The following PRKCZ variants were observed in gnomAD, a reference collection of about 807,000 sequenced individuals.
PRKCZ encodes protein kinase C zeta.
PRKCZ carries 33 observed loss-of-function variants against 79.5 expected under a neutral mutation model. The observed-to-expected ratio is 0.41, with a 90% confidence interval of 0.31 to 0.55. PRKCZ has a LOEUF of 0.55. Ranked by LOEUF, PRKCZ falls within the 20% of genes least tolerant of loss-of-function variation. The pLI, the probability that PRKCZ is intolerant of heterozygous loss-of-function variation, is 0.19. For synonymous variants in PRKCZ, 342 were observed against 320.9 expected (o/e 1.07, Z -0.70); for missense variants, 578 against 813.5 (o/e 0.71, Z 3.52).
rs564340104 is a variant in PRKCZ, at chr1:2,177,116, C to G, written c.1575+1803C>G. 2.0e-5 allele frequency among the ~76,000 whole-genome samples: 3 copies of G among 152,270 alleles called. No individual in the cohort carries two copies. In the East Asian group the frequency reaches 5.8e-4, roughly 29 times the overall value. The stretch of plus-strand genomic sequence containing the variant: ...CGTCCCTTTTCTCTGGCTCAGGCAC[C>G]CCTGGCCTAGTGGGGTTACTGGTGG... On this transcript the variant is annotated intron_variant, in intron 16 of 17. Transcript: ENST00000378567. The surrounding 1 kb of genome is among the most constrained non-coding windows in gnomAD (Gnocchi z 6.4).
At chr1:2,055,859 A>G (rs1660110759) in intron 2 of PRKCZ, 4 of 325,624 alleles carry the variant, frequency 1.2e-5, no homozygotes, top group African/African-American at 2.1e-5. Flanking sequence ...CTCCTTTCTC[A>G]TGTCCTGGCC....
rs889761898 is a variant in PRKCZ, at chr1:2,094,754, C to T, written c.334+35163C>T. 2.0e-5 allele frequency among the ~76,000 whole-genome samples: 3 copies of T among 152,172 alleles called. No individual in the cohort carries two copies. Among genetic ancestry groups the T allele is most frequent in the African/African-American group, 4.8e-5 (2 of 41,412 alleles). ...TCTGAGGCGCCCGCTGTGCCCGGCT[C>T]GTTGAACCTTGGGCGCTGCCCGTTC... is the stretch of plus-strand genomic sequence containing the variant. On this transcript the variant is annotated intron_variant, in intron 4 of 17. Transcript: ENST00000378567. The surrounding 1 kb of genome is among the most constrained non-coding windows in gnomAD (Gnocchi z 7.3).
intron 4 of PRKCZ, among the ~76,000 whole-genome samples, chr1:2,085,341 C>G (rs990904647): frequency 6.6e-6 from 1 of 152,260 alleles, no homozygotes; most frequent in Non-Finnish European, 1.5e-5. Context: ...GCTTTGTGCC[C>G]TGTGTTACCG....
intron 4 of PRKCZ, among the ~76,000 whole-genome samples, chr1:2,097,582 G>T (rs1666738444): frequency 6.6e-6 from 1 of 152,014 alleles, no homozygotes; most frequent in Admixed American, 6.5e-5. Context: ...GCGTCCCTCA[G>T]CCCATGCACC....
At chr1:2,061,794 G>A (rs1383536317) in intron 4 of PRKCZ, among the ~76,000 whole-genome samples, 1 of 152,218 alleles carries the variant, frequency 6.6e-6, no homozygotes, top group Non-Finnish European at 1.5e-5. Flanking sequence ...CAGGGCTTAG[G>A]GGGCTGGCGC....
At chr1:2,106,056 A>G (rs1396575561) in intron 4 of PRKCZ, among the ~76,000 whole-genome samples, 19 of 152,224 alleles carry the variant, frequency 1.2e-4, no homozygotes, top group Admixed American at 1.2e-3. Context: ...GCCATGCCAG[A>G]CAGGTCCTCA....
chr1:2,060,711 G>A lies in PRKCZ; in HGVS notation c.334+1120G>A, dbSNP rs572439848. ...AGGTGGGCCCTGGCAGGAATGGAGC[G>A]GGTGGTCTGGGGCTGGACCTGCCGG... On this transcript the variant is annotated intron_variant, in intron 4 of 17. Transcript: ENST00000378567. 5.7e-4 allele frequency among the ~76,000 whole-genome samples: 87 copies of A among 152,332 alleles called. 1 individual carries two copies. Among genetic ancestry groups the A allele is most frequent in the East Asian group, 3.1e-3 (16 of 5,170 alleles).
chr1:2,169,249 C>T (rs1343105688), intron 10 of PRKCZ: 4 of 515,438 alleles, frequency 7.8e-6, no homozygotes, highest in Non-Finnish European at 1.5e-5. Context: ...GGCCCACCCA[C>T]ACTTCCCAAG....
rs1186303523 is a variant in PRKCZ at position 2,071,987 on chromosome 1, T to C, written c.334+12396T>C. ...ACTCTTCCGGTGTTTCAAAATATTATCCTTTTCATTTTATTCAGCCAATTA... is the reference window on the plus strand; with the variant it reads ...ACTCTTCCGGTGTTTCAAAATATTACCCTTTTCATTTTATTCAGCCAATTA... On this transcript the variant is annotated intron_variant, in intron 4 of 17. Transcript: ENST00000378567. Among the ~76,000 whole-genome samples the C allele has an allele frequency of 3.3e-5, 5 of 152,234 alleles. No individual in the cohort carries two copies. In the East Asian group the frequency reaches 9.6e-4, roughly 29 times the overall value.
chr1:2,062,244 C>T (rs200977990), intron 4 of PRKCZ, among the ~76,000 whole-genome samples: 3 of 152,138 alleles, frequency 2.0e-5, no homozygotes, highest in South Asian at 4.1e-4. Context: ...ACCCCGTGCC[C>T]GTCATCGGTC....
At chr1:2,052,968 G>T (rs754365337) in intron 1 of PRKCZ, among the ~76,000 whole-genome samples, 1 of 152,038 alleles carries the variant, frequency 6.6e-6, no homozygotes, top group Admixed American at 6.6e-5. Context: ...ACCCCACCCC[G>T]CCCCCTGTGG....
intron 4 of PRKCZ, among the ~76,000 whole-genome samples, chr1:2,084,540 G>A (rs185655626): frequency 7.9e-5 from 12 of 152,276 alleles, no homozygotes; most frequent in African/African-American, 2.2e-4. Flanking sequence ...ACCTGCGTCC[G>A]GCCCACCCGC....
intron 4 of PRKCZ, among the ~76,000 whole-genome samples, chr1:2,107,870 C>G (rs1201522560): frequency 1.3e-5 from 2 of 151,850 alleles, no homozygotes; most frequent in Non-Finnish European, 2.9e-5. Context: ...AGGGAGCCCC[C>G]AACACCCCGG....
chr1:2,059,692 A>G, intron 4 of PRKCZ, 101 bp downstream of exon 4: 1 of 1,473,734 alleles, frequency 6.8e-7, no homozygotes, highest in Non-Finnish European at 9.4e-7. Context: ...TCGGAGGTTC[A>G]CCCTCGTGGA....
chr1:2,159,229 G>A (rs1160178524), intron 10 of PRKCZ, among the ~76,000 whole-genome samples: 1 of 152,264 alleles, frequency 6.6e-6, no homozygotes, highest in Non-Finnish European at 1.5e-5. Flanking sequence ...ACACCCACGT[G>A]AAGCAAAGCC....
At chr1:2,096,662 G>A (rs369369231) in intron 4 of PRKCZ, among the ~76,000 whole-genome samples, 103 of 152,256 alleles carry the variant, frequency 6.8e-4, no homozygotes, top group Middle Eastern at 3.4e-3. Context: ...GGTCCGGAGC[G>A]GCCCTGGGCT....
chr1:2,125,400 C>T lies in PRKCZ; in HGVS notation c.335-9862C>T, dbSNP rs768223931. Among the ~76,000 whole-genome samples the T allele has an allele frequency of 2.0e-4, 30 of 152,358 alleles. No individual in the cohort carries two copies. Among genetic ancestry groups the T allele is most frequent in the Admixed American group, 3.9e-4 (6 of 15,306 alleles). ...AAGGCCAGACTGTTGGAATGTAATTCCTTCCCAAACATCTCTCAGGGGCAC... is the reference window on the plus strand; with the variant it reads ...AAGGCCAGACTGTTGGAATGTAATTTCTTCCCAAACATCTCTCAGGGGCAC... On this transcript the variant is annotated intron_variant, in intron 4 of 17. Coordinates refer to ENST00000378567, the MANE Select transcript of PRKCZ (RefSeq NM_002744.6). This position sits in a 1 kb window ranked among gnomAD's most constrained non-coding sequence, Gnocchi z 4.2.
chr1:2,092,102 C>T (rs1571305337), intron 4 of PRKCZ, among the ~76,000 whole-genome samples: 1 of 152,308 alleles, frequency 6.6e-6, no homozygotes. Flanking sequence ...GACCGGCAGG[C>T]ATCGCGCTTC....
At position 2,050,497 on chromosome 1, in the gene PRKCZ, A is replaced by C. The variant is rs555200426; in HGVS notation, c.-134A>C. The C allele has an allele frequency of 1.7e-3, 669 of 386,986 alleles. 6 individuals carry two copies. The highest frequency in any genetic ancestry group is 0.013 in the African/African-American group (616 of 46,240). 24.0% of individuals were successfully genotyped at this position (386,986 alleles called of 1,614,324 possible). A position where few individuals can be genotyped will look rare whatever the true frequency, so the allele number is the denominator to read the frequency against. On this transcript the variant is annotated 5_prime_UTR_variant, in exon 1 of 18. Coordinates refer to ENST00000378567, the MANE Select transcript of PRKCZ (RefSeq NM_002744.6). Reference sequence around the variant, plus strand: ...CCCGCGCGCCGCCGGAGTTCCGCGGAGTTGACCGGGTCGGCGCCGTCGGTC... The same window carrying C: ...CCCGCGCGCCGCCGGAGTTCCGCGGCGTTGACCGGGTCGGCGCCGTCGGTC...
Sources: gnomAD v4.1 joint callset for allele counts (sites outside exome capture counted in the v4.1 genomes callset) on GRCh38, gnomAD v4.1.1 for gene constraint, Gnocchi (gnomAD v3.1) non-coding constraint, MANE v1.5 for transcripts, NCBI Gene and HGNC (gene_info 2026-07-23, HGNC 2026-07-21) for gene names.